Variants in TMEM164 observed in about 807,000 individuals in gnomAD.
TMEM164 encodes the protein transmembrane protein 164.
In TMEM164, 4 loss-of-function variants were observed where a neutral mutation model predicts 18.8. That is an observed-to-expected ratio of 0.21 (90% CI 0.10 to 0.49). TMEM164 has a LOEUF of 0.49. Among genes scored for constraint, TMEM164 ranks in the 20% least tolerant of loss-of-function variants. The pLI is 0.98. For missense variants in TMEM164, 108 were observed against 239.9 expected (o/e 0.45, Z 3.63); for synonymous variants, 86 against 101.7 (o/e 0.85, Z 0.93).
chrX:110,153,582 C>G (rs981089333), intron 5 of TMEM164, among the ~76,000 whole-genome samples: 1 of 111,479 alleles, frequency 9.0e-6, no homozygotes, highest in Admixed American at 9.6e-5. Context: ...GGAATTGGTT[C>G]TAGGACTTCC....
At chrX:110,111,012 G>A (rs938320814) in intron 4 of TMEM164, among the ~76,000 whole-genome samples, 4 of 112,302 alleles carry the variant, frequency 3.6e-5, no homozygotes, top group Non-Finnish European at 3.8e-5. Flanking sequence ...TTGAGCTCTC[G>A]ATGGAGGGGA....
intron 3 of TMEM164, among the ~76,000 whole-genome samples, chrX:110,085,335 A>AT (rs2065836279): frequency 2.5e-5 from 2 of 80,734 alleles, no homozygotes; most frequent in Non-Finnish European, 2.1e-5. Flanking sequence ...TAATTAAAAA[A>AT]AATATATATA....
At chrX:110,051,630 G>GTT (rs761961639) in intron 2 of TMEM164, among the ~76,000 whole-genome samples, 1 of 104,049 alleles carries the variant, frequency 9.6e-6, no homozygotes, top group Non-Finnish European at 2.0e-5. Flanking sequence ...AGAAAATCCA[G>GTT]TTATTCAGCT....
chrX:110,021,910 G>C (rs190337278), intron 2 of TMEM164, among the ~76,000 whole-genome samples: 1 of 111,984 alleles, frequency 8.9e-6, no homozygotes, highest in Non-Finnish European at 1.9e-5. Flanking sequence ...AGGCCTTTAA[G>C]TCATCTGGAC....
intron 2 of TMEM164, among the ~76,000 whole-genome samples, chrX:110,061,807 G>A (rs1017969490): frequency 1.3e-4 from 15 of 111,664 alleles, no homozygotes; most frequent in Non-Finnish European, 2.3e-4. Flanking sequence ...GCGTTTAACC[G>A]TGGAGTGTAA....
At chrX:110,161,963 A>G (rs768304483) in intron 5 of TMEM164, among the ~76,000 whole-genome samples, 2 of 112,496 alleles carry the variant, frequency 1.8e-5, no homozygotes, top group African/African-American at 3.2e-5. Flanking sequence ...AAAAATTCTC[A>G]GATTCCAGAT....
chrX:110,173,460 A>ATTT lies in TMEM164; in HGVS notation c.*21_*23dup. ...CCAAGAAAATAGACTGAAGGTGCTT[A>ATTT]TTTTTTTTTTTTTTCCTCCCTGAGG... On this transcript the variant is annotated 3_prime_UTR_variant, in exon 7 of 7. Coordinates refer to ENST00000372068, the MANE Select transcript of TMEM164 (RefSeq NM_032227.4). The ATTT allele has an allele frequency of 1.9e-6, 2 of 1,055,780 alleles. No homozygotes were observed. Among genetic ancestry groups the ATTT allele is most frequent in the Non-Finnish European group, 1.3e-6 (1 of 789,840 alleles). 87.0% of individuals were successfully genotyped at this position (1,055,780 alleles called of 1,213,427 possible).
At chrX:110,179,503 G>A (rs905952202), downstream of TMEM164, among the ~76,000 whole-genome samples, 6 of 112,100 alleles carry the variant, frequency 5.4e-5, no homozygotes, top group Non-Finnish European at 7.5e-5. Flanking sequence ...TCACTCCAGC[G>A]GGATCGTACT....
Position 110,014,016 on chromosome X carries a change from A to G in TMEM164, c.390+9852A>G, listed in dbSNP as rs1569293599. Among the ~76,000 whole-genome samples, 5 of 112,031 alleles carry G rather than the reference A, an allele frequency of 4.5e-5. No homozygotes were observed. The South Asian group carries it at 1.9e-3, about 42-fold the overall frequency. ...TCTCTGAGCCTGTGTTCCCACATTC[A>G]TAAAATGATATGATCAAACTTGAAC... On this transcript the variant is annotated intron_variant, in intron 2 of 6. Transcript: ENST00000372068.
intron 4 of TMEM164, among the ~76,000 whole-genome samples, chrX:110,140,679 A>G (rs2066757076): frequency 8.9e-6 from 1 of 112,465 alleles, no homozygotes; most frequent in South Asian, 3.7e-4. Context: ...GACTTGTGAG[A>G]AGGTAGTTAA....
intron 4 of TMEM164, among the ~76,000 whole-genome samples, chrX:110,133,730 G>A (rs1374627357): frequency 7.2e-5 from 8 of 111,223 alleles, no homozygotes; most frequent in Non-Finnish European, 9.4e-5. Flanking sequence ...TATCCCCTAG[G>A]AACACTATTA....
chrX:110,110,212 TCTC>T (rs1287327901), intron 4 of TMEM164, among the ~76,000 whole-genome samples: 3 of 111,077 alleles, frequency 2.7e-5, no homozygotes, highest in African/African-American at 9.8e-5. Context: ...ATTCCTGTCA[TCTC>T]CTCCCCACAA....
At chrX:110,094,332 G>T (rs2065979598) in intron 3 of TMEM164, among the ~76,000 whole-genome samples, 1 of 111,662 alleles carries the variant, frequency 9.0e-6, no homozygotes, top group East Asian at 2.8e-4. Flanking sequence ...TCTCTTTGTA[G>T]GTCTCTAAGG....
At chrX:110,165,353 G>A (rs1409676060) in intron 5 of TMEM164, among the ~76,000 whole-genome samples, 1 of 113,096 alleles carries the variant, frequency 8.8e-6, no homozygotes, top group East Asian at 2.8e-4. Flanking sequence ...TTAGCCACAT[G>A]TGGCAAGTGG....
At chrX:110,075,110 T>A (rs2065651733) in intron 3 of TMEM164, among the ~76,000 whole-genome samples, 1 of 112,049 alleles carries the variant, frequency 8.9e-6, no homozygotes, top group African/African-American at 3.2e-5. Context: ...CTTTTCCATT[T>A]GTTTGTGTTA....
At chrX:110,088,439 C>T (rs1025230572) in intron 3 of TMEM164, among the ~76,000 whole-genome samples, 4 of 111,900 alleles carry the variant, frequency 3.6e-5, no homozygotes, top group African/African-American at 1.3e-4. Context: ...TTGTTTTTGA[C>T]CTGAGCAGCC....
At chrX:110,144,564 G>A (rs2066823889) in intron 4 of TMEM164, among the ~76,000 whole-genome samples, 1 of 111,305 alleles carries the variant, frequency 9.0e-6, no homozygotes, top group African/African-American at 3.3e-5. Flanking sequence ...CTTTCTTAGT[G>A]GAGCATTTAC....
At chrX:110,134,625 CCCTTT>C (rs751686026) in intron 4 of TMEM164, among the ~76,000 whole-genome samples, 17 of 102,685 alleles carry the variant, frequency 1.7e-4, no homozygotes, top group Admixed American at 4.2e-4. Context: ...TGCCCCCCTG[CCCTTT>C]CCATGTCAGA....
chrX:110,017,472 T>C (rs865964611), intron 2 of TMEM164, among the ~76,000 whole-genome samples: 2 of 49,990 alleles, frequency 4.0e-5, no homozygotes, highest in African/African-American at 2.7e-4. Flanking sequence ...CTTTCTTTCC[T>C]TCCCTCCCTC....
Sources: gnomAD v4.1 joint callset for allele counts (sites outside exome capture counted in the v4.1 genomes callset) on GRCh38, gnomAD v4.1.1 for gene constraint, MANE v1.5 for transcripts, NCBI Gene and HGNC (gene_info 2026-07-23, HGNC 2026-07-21) for gene names.